C16orf74: variants seen among roughly 807,000 people sequenced by gnomAD.
The protein encoded by C16orf74 is uncharacterized protein C16orf74.
A neutral mutation model predicts 6.5 loss-of-function variants in C16orf74; 10 were observed. The observed-to-expected ratio is 1.54, with a 90% CI of 0.95 to 2.61. The LOEUF is 2.61. Among genes scored for constraint, C16orf74 ranks in the 30% most tolerant of loss-of-function variants. The pLI, the probability that C16orf74 is intolerant of heterozygous loss-of-function variation, is 0.00. For synonymous variants in C16orf74, 60 were observed against 42.5 expected (o/e 1.41, Z -1.60); for missense variants, 141 against 105.9 (o/e 1.33, Z -1.45).
intron 1 of C16orf74, among the ~76,000 whole-genome samples, chr16:85,742,767 C>T (rs2054324406): frequency 6.6e-6 from 1 of 152,130 alleles, no homozygotes; most frequent in Non-Finnish European, 1.5e-5. Context: ...TCTTGAACTC[C>T]CAACCTCAGG....
chr16:85,719,158 C>T (rs2054054061), intron 2 of C16orf74, among the ~76,000 whole-genome samples: 1 of 152,254 alleles, frequency 6.6e-6, no homozygotes, highest in African/African-American at 2.4e-5. Flanking sequence ...AACACCCCAG[C>T]TCTGAGCCTG....
intron 2 of C16orf74, 115 bp from the exon 3 acceptor site, chr16:85,710,422 G>T: frequency 9.8e-7 from 1 of 1,020,602 alleles, no homozygotes; most frequent in Non-Finnish European, 1.3e-6. Context: ...GGGTCCTGAC[G>T]CCTCGCAGCA....
chr16:85,707,829 C>G lies in C16orf74; in HGVS notation c.*179G>C. The G allele has an allele frequency of 1.7e-6, 1 of 605,414 alleles. No individual in the cohort carries two copies. The highest frequency in any genetic ancestry group is 2.9e-6 in the Non-Finnish European group (1 of 341,464). 37.5% of individuals were successfully genotyped at this position (605,414 alleles called of 1,614,324 possible). A position where few individuals can be genotyped will look rare whatever the true frequency, so the allele number is the denominator to read the frequency against. ...TCAGCGGGGCCTGGGAAACACTGTT[C>G]TGGAAGTGGACAGGCTGGATTCCTC... On this transcript the variant is annotated 3_prime_UTR_variant, in exon 4 of 4. Transcript: ENST00000284245.
intron 2 of C16orf74, among the ~76,000 whole-genome samples, chr16:85,720,819 G>T (rs1194119121): frequency 2.0e-5 from 3 of 151,112 alleles, no homozygotes; most frequent in African/African-American, 7.3e-5. Context: ...TGGGCGTGGC[G>T]GCTCATGCTT....
At chr16:85,724,278 C>A (rs1288820150) in intron 2 of C16orf74, among the ~76,000 whole-genome samples, 1 of 152,234 alleles carries the variant, frequency 6.6e-6, no homozygotes, top group East Asian at 1.9e-4. Context: ...ATCCCTCTGT[C>A]TCCCTGGAGG....
chr16:85,743,296 C>T (rs180985102), intron 1 of C16orf74: 22 of 152,344 alleles, frequency 1.4e-4, no homozygotes, highest in Admixed American at 1.2e-3. Context: ...ACTTTATCAT[C>T]ATCGTCATGA....
chr16:85,747,458 T>C (rs2054386854), intron 1 of C16orf74, among the ~76,000 whole-genome samples: 1 of 151,132 alleles, frequency 6.6e-6, no homozygotes, highest in Non-Finnish European at 1.5e-5. Context: ...TCAAAATAAA[T>C]AAAAGGGGTC....
rs576099260 is a variant in C16orf74, at chr16:85,733,219, C to T, written c.28+1971G>A. Among the ~76,000 whole-genome samples, 431 of 152,244 alleles carry T rather than the reference C, an allele frequency of 2.8e-3. 2 individuals are homozygous for T. Among genetic ancestry groups the T allele is most frequent in the African/African-American group, 9.8e-3 (407 of 41,514 alleles). The stretch of plus-strand genomic sequence containing the variant: ...TCCACATGGTGGAATATTATTCAGC[C>T]GTGAAAAGGAACGAAGCAGTGATGC... On this transcript the variant is annotated intron_variant, in intron 2 of 3. Transcript: ENST00000284245.
At position 85,714,665 on chromosome 16, in the gene C16orf74, G is replaced by A. The variant is rs376452128; in HGVS notation, c.29-4358C>T. Among the ~76,000 whole-genome samples the A allele has an allele frequency of 1.1e-4, 16 of 150,902 alleles. No homozygotes were observed. The East Asian group carries it at 2.4e-3, about 23-fold the overall frequency. On this transcript the variant is annotated intron_variant, in intron 2 of 3. Transcript: ENST00000284245. ...GAACTCCTGACCTTGTGATCCACCC[G>A]CCTTGGCCTCCCAAAGTCCTGGGAT...
At chr16:85,728,243 A>G (rs1280546442) in intron 2 of C16orf74, among the ~76,000 whole-genome samples, 1 of 152,190 alleles carries the variant, frequency 6.6e-6, no homozygotes, top group Non-Finnish European at 1.5e-5. Context: ...GGACCGTGTG[A>G]GTGTAAGTTG....
At chr16:85,711,807 G>A (rs960745924) in intron 2 of C16orf74, among the ~76,000 whole-genome samples, 4 of 152,104 alleles carry the variant, frequency 2.6e-5, no homozygotes, top group African/African-American at 2.4e-5. Flanking sequence ...GAGTAATAAG[G>A]GGTTGGGGGA....
intron 3 of C16orf74, among the ~76,000 whole-genome samples, chr16:85,709,232 T>C (rs771959358): frequency 5.3e-5 from 8 of 152,164 alleles, no homozygotes; most frequent in Non-Finnish European, 1.2e-4. Flanking sequence ...CAGGTGCCTG[T>C]AATCCCAGCT....
intron 1 of C16orf74, among the ~76,000 whole-genome samples, chr16:85,747,719 G>A (rs1263368092): frequency 6.6e-6 from 1 of 152,146 alleles, no homozygotes; most frequent in Non-Finnish European, 1.5e-5. Flanking sequence ...GAGAATATGT[G>A]CCCAAGGTAG....
chr16:85,727,665 T>A (rs1306686246), intron 2 of C16orf74, among the ~76,000 whole-genome samples: 1 of 148,932 alleles, frequency 6.7e-6, no homozygotes, highest in Non-Finnish European at 1.5e-5. Context: ...GCAAAAAAAA[T>A]AAGCCGGGTG....
chr16:85,711,172 G>A (rs768181618), intron 2 of C16orf74, among the ~76,000 whole-genome samples: 19 of 151,446 alleles, frequency 1.3e-4, no homozygotes, highest in African/African-American at 4.1e-4. Flanking sequence ...AAATTAGCCC[G>A]GTGTGGTGGC....
chr16:85,742,245 T>C (rs2054317159), intron 1 of C16orf74, among the ~76,000 whole-genome samples: 1 of 152,172 alleles, frequency 6.6e-6, no homozygotes, highest in Non-Finnish European at 1.5e-5. Context: ...TGATGGTGCA[T>C]GCCTGTAATC....
intron 1 of C16orf74, among the ~76,000 whole-genome samples, chr16:85,738,166 G>A (rs998225941): frequency 5.3e-5 from 8 of 151,676 alleles, no homozygotes; most frequent in African/African-American, 1.9e-4. Context: ...GATCACTTGA[G>A]CCCAGGAGGT....
chr16:85,734,608 C>T (rs1292703921), intron 2 of C16orf74, among the ~76,000 whole-genome samples: 2 of 152,192 alleles, frequency 1.3e-5, no homozygotes, highest in Non-Finnish European at 2.9e-5. Context: ...AACAAAGCAA[C>T]TGTCACCAAG....
At chr16:85,749,682 C>G (rs2054414479) in intron 1 of C16orf74, among the ~76,000 whole-genome samples, 1 of 152,232 alleles carries the variant, frequency 6.6e-6, no homozygotes, top group South Asian at 2.1e-4. Context: ...GAGGAGTGCT[C>G]CGTAAGCATG....
Sources: allele counts gnomAD v4.1 joint callset (sites outside exome capture counted in the v4.1 genomes callset), GRCh38; gene constraint gnomAD v4.1.1; transcripts MANE v1.5; gene names NCBI Gene and HGNC (gene_info 2026-07-23, HGNC 2026-07-21).